POP1: variants seen among roughly 807,000 people sequenced by gnomAD.
The protein encoded by POP1 is POP1 ribonuclease P/MRP subunit, also known as ribonucleases P/MRP protein subunit POP1.
A neutral mutation model predicts 102.2 loss-of-function variants in POP1; 75 were observed. The ratio of observed to expected loss-of-function variants is 0.73; its 90% confidence interval spans 0.61 to 0.89. POP1 has a LOEUF of 0.89. Among genes scored for constraint, POP1 ranks in the 40% least tolerant of loss-of-function variants. The probability of loss-of-function intolerance (pLI) is 0.00; values close to 1 mark genes in which losing one functional copy is unlikely to be tolerated. For synonymous variants in POP1, 436 were observed against 464.1 expected, an observed-to-expected ratio of 0.94 and a Z score of 0.78; for missense variants, 1,116 against 1,267.4, an observed-to-expected ratio of 0.88 and a Z score of 1.81.
chr8:98,156,893 G>C (rs1809664949), intron 15 of POP1, among the ~76,000 whole-genome samples: 1 of 150,288 alleles, frequency 6.7e-6, no homozygotes. Flanking sequence ...TCTGTGCTTT[G>C]CTCTGATTTT....
chr8:98,127,546 A>G, intron 2 of POP1, 49 bp from the exon 3 acceptor site: 1 of 1,604,878 alleles, frequency 6.2e-7, no homozygotes, highest in Non-Finnish European at 8.5e-7. Flanking sequence ...CTCCACTATA[A>G]TGTTTATCTC....
intron 2 of POP1, among the ~76,000 whole-genome samples, chr8:98,124,618 A>G (rs1816141967): frequency 1.3e-5 from 2 of 152,156 alleles, no homozygotes; most frequent in African/African-American, 4.8e-5. Context: ...ATGTATCCCC[A>G]CTAGGAGGAA....
Position 98,134,590 on chromosome 8 carries a change from C to G in POP1, c.942C>G (p.Ser314=). ...MLGPVTFIWK[S]QRTPGDPSES... is the part of the protein sequence containing the mutation. ...GGCCTGTTACGTTTATCTGGAAGTC[C>G]CAGAGGACCCCGGGTGACCCTTCTG... Residue 314 remains serine (S), a synonymous_variant, in exon 7 of 16, where the codon TCC becomes TCG. Coordinates refer to ENST00000401707, the MANE Select transcript of POP1 (RefSeq NM_001145860.2). 6.2e-7 allele frequency: 1 copy of G among 1,614,116 alleles called. No individual in the cohort carries two copies. The highest frequency in any genetic ancestry group is 8.5e-7 in the Non-Finnish European group (1 of 1,179,982).
chr8:98,123,882 A>T (rs1471682063), intron 2 of POP1, among the ~76,000 whole-genome samples: 1 of 152,168 alleles, frequency 6.6e-6, no homozygotes, highest in Non-Finnish European at 1.5e-5. Context: ...AATGAGCTGA[A>T]TTAAAAACAG....
chr8:98,142,319 A>G (rs1014317288), intron 11 of POP1, among the ~76,000 whole-genome samples: 2 of 152,214 alleles, frequency 1.3e-5, no homozygotes, highest in Admixed American at 6.5e-5. Context: ...GGCCTCCCAA[A>G]GTGCTGGGAT....
intron 14 of POP1, 99 bp from the exon 15 acceptor site, chr8:98,155,950 TG>T: frequency 7.4e-6 from 7 of 949,502 alleles, no homozygotes; most frequent in Non-Finnish European, 9.9e-6. Context: ...TGTGTGTGTG[TG>T]TGTGTTTTAA....
At chr8:98,145,947 A>G (rs967898596) in intron 11 of POP1, among the ~76,000 whole-genome samples, 7 of 152,210 alleles carry the variant, frequency 4.6e-5, no homozygotes, top group Non-Finnish European at 7.3e-5. Flanking sequence ...TACAGAAACG[A>G]ATAAATAGTT....
chr8:98,138,903 A>G (rs1816628431), intron 9 of POP1, among the ~76,000 whole-genome samples: 1 of 140,424 alleles, frequency 7.1e-6, no homozygotes, highest in Non-Finnish European at 1.5e-5. Context: ...CCCAGGCTGG[A>G]GTGCAGTGGC....
chr8:98,158,691 C>T lies in POP1; in HGVS notation c.*420C>T, dbSNP rs3735882. On this transcript the variant is annotated 3_prime_UTR_variant, in exon 16 of 16. Transcript: ENST00000401707. ...TGTTATAGCAGAAGACAAGAGAAGA[C>T]GCTTGGCCTCTGTACATGAAATATG... The T allele has an allele frequency of 0.024, 4,361 of 179,600 alleles. 176 individuals are homozygous for T. Among genetic ancestry groups the T allele is most frequent in the African/African-American group, 0.085 (3,542 of 41,778 alleles). 11.1% of individuals were successfully genotyped at this position (179,600 alleles called of 1,614,324 possible).
chr8:98,119,181 CAT>C (rs973256137), intron 1 of POP1, among the ~76,000 whole-genome samples: 6 of 152,192 alleles, frequency 3.9e-5, no homozygotes, highest in South Asian at 2.1e-4. Context: ...ATAATTAAGA[CAT>C]ATTTTTATTT....
chr8:98,154,578 C>T (rs551813983), intron 14 of POP1, among the ~76,000 whole-genome samples: 7 of 151,992 alleles, frequency 4.6e-5, no homozygotes, highest in Admixed American at 2.6e-4. Context: ...GTAAGACATG[C>T]GAAGTGAGGG....
At chr8:98,151,884 A>T (rs1039968553) in intron 14 of POP1, among the ~76,000 whole-genome samples, 7 of 151,746 alleles carry the variant, frequency 4.6e-5, no homozygotes, top group African/African-American at 1.7e-4. Flanking sequence ...CTGGGACTAT[A>T]GGCACCTGCC....
intron 9 of POP1, 48 bp downstream of exon 9, chr8:98,137,002 T>C (rs1366494326): frequency 1.3e-5 from 19 of 1,506,504 alleles, no homozygotes; most frequent in Non-Finnish European, 1.8e-5. Flanking sequence ...ATGTTTTTCC[T>C]GTCAAATTTG....
chr8:98,135,406 G>A (rs1441427913), intron 7 of POP1, among the ~76,000 whole-genome samples: 4 of 152,128 alleles, frequency 2.6e-5, no homozygotes, highest in South Asian at 2.1e-4. Context: ...CATGACTGAA[G>A]TGGTTCACTA....
intron 14 of POP1, 122 bp from the exon 15 acceptor site, chr8:98,155,923 GTGTGT>G: frequency 4.5e-6 from 3 of 668,106 alleles, no homozygotes; most frequent in Non-Finnish European, 2.5e-6. Context: ...GTGTGTGTGT[GTGTGT>G]GTGTGTGTGT....
chr8:98,123,242 T>C, intron 1 of POP1, 94 bp from the exon 2 acceptor site: 3 of 1,432,024 alleles, frequency 2.1e-6, no homozygotes, highest in Admixed American at 3.9e-5. Context: ...AATAGACTTA[T>C]TTTGAATCAC....
In POP1 at chr8:98,149,090, T is replaced by C. The variant is rs530221843; in HGVS notation, c.1902+84T>C. 3.3e-5 allele frequency: 43 copies of C among 1,312,146 alleles called. No homozygotes were observed. In the East Asian group the frequency reaches 4.8e-4, roughly 15 times the overall value. The allele number at this position is 1,312,146 out of a possible 1,614,324, so 81.3% of individuals were successfully genotyped here. A position where few individuals can be genotyped will look rare whatever the true frequency, so the allele number is the denominator to read the frequency against. On this transcript the variant is annotated intron_variant, in intron 13 of 15. Transcript: ENST00000401707. ...TAAGTACTCAAAATGTTCCAGACTT[T>C]ATGTACAACTTAGGAGGAATTGAGT...
Position 98,140,784 on chromosome 8 carries a change from C to T in POP1, c.1490C>T (p.Ala497Val), listed in dbSNP as rs746810964. The change falls in exon 11 of 16, where the codon GCA becomes GTA. Residue 497 changes from alanine (A) to valine (V), a missense_variant. Coordinates refer to ENST00000401707, the MANE Select transcript of POP1 (RefSeq NM_001145860.2). ...FELLGGITSP[A>V]EIPAGTILGL... ...GTTGTTAAAGGAATAACATCACCAG[C>T]AGAAATTCCGGCAGGTACTATTCTG... The T allele has an allele frequency of 1.2e-6, 2 of 1,613,918 alleles. No homozygotes were observed.
intron 4 of POP1, among the ~76,000 whole-genome samples, chr8:98,129,404 C>T (rs1208057580): frequency 6.6e-6 from 1 of 152,082 alleles, no homozygotes; most frequent in Non-Finnish European, 1.5e-5. Context: ...TGTACCATTG[C>T]TATGCTGGTG....
Sources: allele counts gnomAD v4.1 joint callset (sites outside exome capture counted in the v4.1 genomes callset), GRCh38; gene constraint gnomAD v4.1.1; transcripts MANE v1.5; gene names NCBI Gene and HGNC (gene_info 2026-07-23, HGNC 2026-07-21).